The following EPHA5 variants were observed in gnomAD, a reference collection of about 807,000 sequenced individuals.
EPHA5 encodes ephrin type-A receptor 5.
EPHA5 carries 60 observed loss-of-function variants against 105.0 expected under a neutral mutation model. That is an observed-to-expected ratio of 0.57 (90% confidence interval 0.46 to 0.71). The LOEUF is 0.71. Among genes scored for constraint, EPHA5 ranks in the 30% least tolerant of loss-of-function variants. The pLI, the probability that EPHA5 is intolerant of heterozygous loss-of-function variation, is 0.00. For missense variants in EPHA5, 1,218 were observed against 1,274.7 expected (o/e 0.96, Z 0.68); for synonymous variants, 513 against 449.1 (o/e 1.14, Z -1.80).
intron 5 of EPHA5, among the ~76,000 whole-genome samples, chr4:65,455,505 T>C (rs1727494476): frequency 6.6e-6 from 1 of 152,186 alleles, no homozygotes. Context: ...GGAACGCTGA[T>C]CTGCTTACAA....
chr4:65,468,691 A>T (rs867441077), intron 5 of EPHA5, among the ~76,000 whole-genome samples: 99 of 139,764 alleles, frequency 7.1e-4, no homozygotes, highest in African/African-American at 2.4e-3. Flanking sequence ...TATATATATA[A>T]AATATATATA....
At chr4:65,440,370 G>A (rs561174711) in intron 5 of EPHA5, among the ~76,000 whole-genome samples, 2 of 152,116 alleles carry the variant, frequency 1.3e-5, no homozygotes, top group South Asian at 2.1e-4. Context: ...AACAGAGCTG[G>A]AGATATGGAT....
rs144813283 is a variant in EPHA5 at position 65,651,645 on chromosome 4, T to C, written c.182-8218A>G. On this transcript the variant is annotated intron_variant, in intron 1 of 16. Transcript: ENST00000613740. ...TGAGTGCCTTTTTTATTTCAAAATATTTTCATCTTTATTTATTTTACCCCA... is the reference window on the plus strand; with the variant it reads ...TGAGTGCCTTTTTTATTTCAAAATACTTTCATCTTTATTTATTTTACCCCA... 8.5e-5 allele frequency among the ~76,000 whole-genome samples: 13 copies of C among 152,320 alleles called. No homozygotes were observed. The East Asian group carries it at 2.5e-3, about 29-fold the overall frequency.
chr4:65,426,001 C>T (rs896848174), intron 5 of EPHA5, among the ~76,000 whole-genome samples: 2 of 152,096 alleles, frequency 1.3e-5, no homozygotes, highest in South Asian at 2.1e-4. Flanking sequence ...CGCGTCCACC[C>T]TCGTTGAAGA....
At chr4:65,623,118 T>C (rs1236713755) in intron 2 of EPHA5, among the ~76,000 whole-genome samples, 1 of 152,060 alleles carries the variant, frequency 6.6e-6, no homozygotes, top group Non-Finnish European at 1.5e-5. Flanking sequence ...AACTTGAAAA[T>C]CATATCACCA....
intron 3 of EPHA5, among the ~76,000 whole-genome samples, chr4:65,580,490 A>G (rs1160022508): frequency 6.6e-6 from 1 of 151,780 alleles, no homozygotes; most frequent in Non-Finnish European, 1.5e-5. Context: ...TGTCCAGAAA[A>G]CCCATTTTGA....
At chr4:65,554,759 G>T (rs887266216) in intron 3 of EPHA5, among the ~76,000 whole-genome samples, 8 of 151,564 alleles carry the variant, frequency 5.3e-5, no homozygotes, top group African/African-American at 1.9e-4. Flanking sequence ...ATGAATTAGA[G>T]AATTATTTTT....
chr4:65,419,721 T>G (rs574172328), intron 6 of EPHA5, among the ~76,000 whole-genome samples: 29 of 152,158 alleles, frequency 1.9e-4, no homozygotes, highest in Non-Finnish European at 3.1e-4. Flanking sequence ...CTGAGCCACA[T>G]ACTCCAGCCC....
intron 3 of EPHA5, among the ~76,000 whole-genome samples, chr4:65,524,006 A>T (rs1269823673): frequency 6.6e-6 from 1 of 151,922 alleles, no homozygotes; most frequent in East Asian, 1.9e-4. Context: ...ATGAACTAGA[A>T]GAACGACTTG....
chr4:65,321,354 A>G lies in EPHA5; in HGVS notation c.*2760T>C. On this transcript the variant is annotated 3_prime_UTR_variant, in exon 17 of 17. Transcript: ENST00000613740. ...GATTTGTTAAACTTTGCCTTGGATTATGGCCTCACTACATTTTACTAGAGT... is the reference window on the plus strand; with the variant it reads ...GATTTGTTAAACTTTGCCTTGGATTGTGGCCTCACTACATTTTACTAGAGT... 1 of 230,508 alleles carries G rather than the reference A, an allele frequency of 4.3e-6. No homozygotes were observed. The highest frequency in any genetic ancestry group is 8.6e-6 in the Non-Finnish European group (1 of 116,242). The allele number at this position is 230,508 out of a possible 1,614,324, so 14.3% of individuals were successfully genotyped here.
chr4:65,581,334 G>A (rs1262938501), intron 3 of EPHA5, among the ~76,000 whole-genome samples: 1 of 151,308 alleles, frequency 6.6e-6, no homozygotes, highest in Admixed American at 6.6e-5. Flanking sequence ...TTGTTTTTTT[G>A]TTCTTGTTAA....
rs755791666 is a variant in EPHA5, at chr4:65,365,948, C to T, written c.1971G>A (p.Glu657=). The change falls in exon 10 of 17, where the codon GAG becomes GAA. Residue 657 remains glutamate (E), a synonymous_variant. Transcript: ENST00000613740. ...KEIEASCITI[E]RVIGAGEFGE... is the part of the protein sequence containing the mutation. ...TTGTCGTACCTGCTCCAATAACTCT[C>T]TCAATGGTGATACATGATGCTTCTA... The T allele has an allele frequency of 1.2e-6, 2 of 1,608,000 alleles. No individual in the cohort carries two copies. The highest frequency in any genetic ancestry group is 1.1e-5 in the South Asian group (1 of 90,534).
chr4:65,556,872 A>C (rs1007439633), intron 3 of EPHA5, among the ~76,000 whole-genome samples: 1 of 152,006 alleles, frequency 6.6e-6, no homozygotes, highest in Non-Finnish European at 1.5e-5. Flanking sequence ...TGTTAGTAAA[A>C]ATTCAGCTTT....
intron 3 of EPHA5, among the ~76,000 whole-genome samples, chr4:65,574,667 C>CATATATATATAT (rs1361215824): frequency 1.6e-4 from 14 of 87,188 alleles, no homozygotes; most frequent in Non-Finnish European, 3.1e-4. Flanking sequence ...TATATATATA[C>CATATATATATAT]ACATATATAT....
intron 1 of EPHA5, 69 bp from the exon 2 acceptor site, chr4:65,643,496 AGTGT>A: frequency 1.0e-5 from 13 of 1,301,068 alleles, no homozygotes; most frequent in Non-Finnish European, 1.3e-5. Context: ...CTATTTTAAT[AGTGT>A]TATTAAAATT....
At chr4:65,577,231 C>T (rs980546358) in intron 3 of EPHA5, among the ~76,000 whole-genome samples, 2 of 152,096 alleles carry the variant, frequency 1.3e-5, no homozygotes, top group African/African-American at 4.8e-5. Context: ...TTTATATTAA[C>T]TGAATTTATA....
At chr4:65,411,555 T>G (rs1394980035) in intron 7 of EPHA5, among the ~76,000 whole-genome samples, 1 of 152,120 alleles carries the variant, frequency 6.6e-6, no homozygotes, top group Admixed American at 6.6e-5. Flanking sequence ...TTTTTCTTAG[T>G]ACAGATGGCT....
chr4:65,579,377 A>ATATATATATAT (rs1560727039), intron 3 of EPHA5, among the ~76,000 whole-genome samples: 22 of 92,306 alleles, frequency 2.4e-4, no homozygotes, highest in African/African-American at 8.6e-4. Flanking sequence ...TATATATATA[A>ATATATATATAT]ATATATATAT....
chr4:65,443,003 G>T (rs57778158), intron 5 of EPHA5, among the ~76,000 whole-genome samples: 8,551 of 152,044 alleles, frequency 0.056, 803 homozygotes, highest in African/African-American at 0.19. Context: ...CTTTAAAGTC[G>T]CTATTTGAAC....
Sources: allele counts gnomAD v4.1 joint callset (sites outside exome capture counted in the v4.1 genomes callset), GRCh38; gene constraint gnomAD v4.1.1; transcripts MANE v1.5; gene names NCBI Gene and HGNC (gene_info 2026-07-23, HGNC 2026-07-21).